Variants in RAPGEF2 observed in about 807,000 individuals in gnomAD.
RAPGEF2 encodes PDZ domain containing guanine nucleotide exchange factor (GEF) 1.
A neutral mutation model predicts 186.7 loss-of-function variants in RAPGEF2; 54 were observed. The observed-to-expected ratio is 0.29, with a 90% confidence interval of 0.23 to 0.36. The LOEUF (loss-of-function observed/expected upper bound fraction) is 0.36. RAPGEF2 is among the 10% of genes least tolerant of loss of function. The pLI is 1.00. For missense variants in RAPGEF2, 1,532 were observed against 2,045.0 expected (o/e 0.75, Z 4.84); for synonymous variants, 712 against 705.9 (o/e 1.01, Z -0.14).
chr4:159,291,792 T>TC (rs895492922), intron 7 of RAPGEF2, among the ~76,000 whole-genome samples: 2 of 152,120 alleles, frequency 1.3e-5, no homozygotes, highest in African/African-American at 4.8e-5. Flanking sequence ...TGTTGTTTTT[T>TC]TTTTTATGTC....
At chr4:159,199,702 G>T (rs1364647273) in intron 3 of RAPGEF2, among the ~76,000 whole-genome samples, 2 of 152,164 alleles carry the variant, frequency 1.3e-5, no homozygotes, top group African/African-American at 4.8e-5. Context: ...AGGGGTAGTG[G>T]TGCTGTCAGG....
intron 4 of RAPGEF2, among the ~76,000 whole-genome samples, chr4:159,228,512 A>G (rs1266801711): frequency 6.6e-6 from 1 of 152,194 alleles, no homozygotes; most frequent in African/African-American, 2.4e-5. Context: ...CTTGTACTCT[A>G]TTTTTATAAG....
intron 4 of RAPGEF2, among the ~76,000 whole-genome samples, 200 bp downstream of exon 4, chr4:159,210,783 A>G (rs1171683552): frequency 1.3e-5 from 2 of 152,250 alleles, no homozygotes; most frequent in Non-Finnish European, 2.9e-5. Flanking sequence ...ACAAAGGGCA[A>G]GAACAGAAAA....
chr4:159,283,605 CT>C (rs372595260), intron 7 of RAPGEF2, among the ~76,000 whole-genome samples: 6 of 152,212 alleles, frequency 3.9e-5, no homozygotes, highest in African/African-American at 1.4e-4. Flanking sequence ...AAAGATGCAT[CT>C]TAGAGTGTCA....
intron 4 of RAPGEF2, among the ~76,000 whole-genome samples, chr4:159,211,425 A>G (rs1319727226): frequency 6.6e-6 from 1 of 150,560 alleles, no homozygotes; most frequent in African/African-American, 2.5e-5. Flanking sequence ...TTTATTTTAA[A>G]TTACTAAATA....
chr4:159,120,449 A>G (rs1739547955), intron 1 of RAPGEF2, among the ~76,000 whole-genome samples: 2 of 152,196 alleles, frequency 1.3e-5, no homozygotes, highest in African/African-American at 4.8e-5. Flanking sequence ...ATAGTTTCAT[A>G]TTGGTTGTTA....
At chr4:159,319,269 A>G (rs1764960906) in intron 9 of RAPGEF2, among the ~76,000 whole-genome samples, 2 of 152,096 alleles carry the variant, frequency 1.3e-5, no homozygotes, top group Admixed American at 6.5e-5. Flanking sequence ...CCTGAGCTCC[A>G]CCTCCTGTCA....
chr4:159,269,933 G>T (rs1251946688), intron 7 of RAPGEF2, among the ~76,000 whole-genome samples: 1 of 152,244 alleles, frequency 6.6e-6, no homozygotes, highest in Non-Finnish European at 1.5e-5. Context: ...AGTTGGGACA[G>T]ATATTACCCA....
Position 159,331,446 on chromosome 4 carries a change from T to G in RAPGEF2, c.1483T>G (p.Leu495Val). 3 of 1,610,264 alleles carry G rather than the reference T, an allele frequency of 1.9e-6. No individual in the cohort carries two copies. Among genetic ancestry groups the G allele is most frequent in the South Asian group, 1.1e-5 (1 of 90,602 alleles). Residue 495 changes from leucine (L) to valine (V), a missense_variant, in exon 14 of 30, where the codon TTA becomes GTA. Leu to Val is a conservative substitution (Grantham distance 32). Transcript: ENST00000691494. ...SLRDKVTRVV[L>V]LWVNNHFNDF... The stretch of plus-strand genomic sequence containing the variant: ...GACTTTTCAGGTTACACGGGTAGTA[T>G]TATTGTGGGTAAATAATCACTTCAA...
intron 26 of RAPGEF2, among the ~76,000 whole-genome samples, chr4:159,351,778 T>C (rs144169017): frequency 0.01 from 1,520 of 151,260 alleles, 25 homozygotes; most frequent in African/African-American, 0.035. Context: ...CCCCTGTCTC[T>C]AGTAAAAATA....
chr4:159,134,223 T>C (rs778393392), intron 1 of RAPGEF2, among the ~76,000 whole-genome samples: 1 of 152,198 alleles, frequency 6.6e-6, no homozygotes, highest in Non-Finnish European at 1.5e-5. Flanking sequence ...GTACTGTACA[T>C]GGAGTCATAT....
intron 1 of RAPGEF2, among the ~76,000 whole-genome samples, chr4:159,113,475 T>G (rs559716500): frequency 6.6e-6 from 1 of 152,314 alleles, no homozygotes; most frequent in South Asian, 2.1e-4. Context: ...GCATGGTGGC[T>G]CACTCCTGTA....
chr4:159,333,983 T>C (rs1554039076), intron 17 of RAPGEF2, among the ~76,000 whole-genome samples: 1 of 152,216 alleles, frequency 6.6e-6, no homozygotes, highest in Non-Finnish European at 1.5e-5. Context: ...TAAAATATAC[T>C]ATTGATTGGT....
chr4:159,254,502 C>G (rs1397325969), intron 7 of RAPGEF2, among the ~76,000 whole-genome samples: 1 of 151,166 alleles, frequency 6.6e-6, no homozygotes, highest in Non-Finnish European at 1.5e-5. Context: ...TGCAAATAAA[C>G]AGAACCAGTG....
At chr4:159,330,121 G>C in intron 12 of RAPGEF2, 111 bp downstream of exon 12, 1 of 1,169,344 alleles carries the variant, frequency 8.6e-7, no homozygotes, top group Non-Finnish European at 1.2e-6. Flanking sequence ...AAGGTTATCA[G>C]TTGTGAAAAA....
chr4:159,124,756 A>G (rs1740098591), intron 1 of RAPGEF2, among the ~76,000 whole-genome samples: 1 of 152,188 alleles, frequency 6.6e-6, no homozygotes. Flanking sequence ...TAGTAACTCT[A>G]AGAAAGTATC....
intron 24 of RAPGEF2, among the ~76,000 whole-genome samples, chr4:159,346,324 C>T (rs1730300028): frequency 6.6e-6 from 1 of 152,044 alleles, no homozygotes; most frequent in Admixed American, 6.5e-5. Flanking sequence ...AATTCTACCT[C>T]CTAGGAATAT....
At chr4:159,127,208 G>A (rs936705830) in intron 1 of RAPGEF2, among the ~76,000 whole-genome samples, 13 of 152,134 alleles carry the variant, frequency 8.5e-5, no homozygotes, top group African/African-American at 3.1e-4. Flanking sequence ...TGTATTGTTG[G>A]TAGAGATGGA....
At chr4:159,153,269 A>G (rs1249649094) in intron 1 of RAPGEF2, among the ~76,000 whole-genome samples, 1 of 152,104 alleles carries the variant, frequency 6.6e-6, no homozygotes, top group Non-Finnish European at 1.5e-5. Context: ...CATCTGGGGA[A>G]CTTTAAAAAG....
Sources: gnomAD v4.1 joint callset for allele counts (sites outside exome capture counted in the v4.1 genomes callset) on GRCh38, gnomAD v4.1.1 for gene constraint, MANE v1.5 for transcripts, NCBI Gene and HGNC (gene_info 2026-07-23, HGNC 2026-07-21) for gene names.